RAI14: variants seen among roughly 807,000 people sequenced by gnomAD.
The protein encoded by RAI14 is ankycorbin.
Under a neutral mutation model 115.4 loss-of-function variants are expected in RAI14, and 45 were observed. The observed-to-expected ratio is 0.39, with a 90% CI of 0.31 to 0.50. The LOEUF is 0.50. RAI14 is among the 20% of genes least tolerant of loss of function. The pLI is 0.85. For missense variants in RAI14, 939 were observed against 1,131.2 expected, an observed-to-expected ratio of 0.83 and a Z score of 2.44; for synonymous variants, 371 against 415.4, an observed-to-expected ratio of 0.89 and a Z score of 1.30.
chr5:34,740,740 A>G (rs1745411046), intron 2 of RAI14, among the ~76,000 whole-genome samples: 1 of 152,206 alleles, frequency 6.6e-6, no homozygotes, highest in Non-Finnish European at 1.5e-5. Flanking sequence ...ATGCTTTTAA[A>G]AAATGCTGAC....
chr5:34,688,201 G>A (rs1262058683), intron 2 of RAI14: 10 of 1,551,154 alleles, frequency 6.4e-6, no homozygotes, highest in African/African-American at 2.7e-5. Context: ...CTGGCTGTAT[G>A]TTATGCAGCC....
chr5:34,786,761 G>A (rs898729781), intron 3 of RAI14, among the ~76,000 whole-genome samples: 3 of 152,142 alleles, frequency 2.0e-5, no homozygotes, highest in African/African-American at 4.8e-5. Flanking sequence ...GACCAGCTCG[G>A]TCGTGGAGAC....
Position 34,683,794 on chromosome 5 carries a change from A to C in RAI14, c.-48-3078A>C, listed in dbSNP as rs557266232. ...CCAGGGTGGAGTGCAGTGGCGCGAT[A>C]TCGGCTCACTGCAAGCTCCGCCTCC... On this transcript the variant is annotated intron_variant, in intron 1 of 17. Transcript: ENST00000265109. Among the ~76,000 whole-genome samples, 556 of 151,356 alleles carry C rather than the reference A, an allele frequency of 3.7e-3. 4 individuals are homozygous for C. Among genetic ancestry groups the C allele is most frequent in the African/African-American group, 0.013 (519 of 41,178 alleles).
chr5:34,746,686 A>C (rs184273079), intron 2 of RAI14, among the ~76,000 whole-genome samples: 2 of 152,008 alleles, frequency 1.3e-5, no homozygotes, highest in Non-Finnish European at 2.9e-5. Context: ...CTTTCATGCT[A>C]TCTCTGTCTC....
chr5:34,771,373 G>A (rs1372232348), intron 3 of RAI14, among the ~76,000 whole-genome samples: 2 of 152,286 alleles, frequency 1.3e-5, no homozygotes, highest in South Asian at 2.1e-4. Context: ...GGTAACAGAC[G>A]CCCTGGTGGT....
chr5:34,773,055 A>C (rs1167755161), intron 3 of RAI14, among the ~76,000 whole-genome samples: 1 of 152,206 alleles, frequency 6.6e-6, no homozygotes, highest in East Asian at 1.9e-4. Flanking sequence ...TGAAATGTAA[A>C]ACAGCAGATT....
intron 2 of RAI14, among the ~76,000 whole-genome samples, chr5:34,731,054 C>T (rs1385605243): frequency 6.6e-6 from 1 of 152,102 alleles, no homozygotes; most frequent in Non-Finnish European, 1.5e-5. Context: ...ATAAGGCTAC[C>T]TTTGATGTAT....
chr5:34,668,512 GC>G (rs1743387092), intron 1 of RAI14, among the ~76,000 whole-genome samples: 1 of 152,078 alleles, frequency 6.6e-6, no homozygotes, highest in Non-Finnish European at 1.5e-5. Flanking sequence ...CCAAGCACAG[GC>G]CCACTTCAGA....
At chr5:34,743,858 G>C (rs1745838365) in intron 2 of RAI14, among the ~76,000 whole-genome samples, 1 of 152,184 alleles carries the variant, frequency 6.6e-6, no homozygotes, top group Non-Finnish European at 1.5e-5. Context: ...TTTATAACTT[G>C]AAGGACTGTT....
At chr5:34,801,624 C>T (rs1754275560) in intron 4 of RAI14, among the ~76,000 whole-genome samples, 1 of 152,100 alleles carries the variant, frequency 6.6e-6, no homozygotes, top group Admixed American at 6.6e-5. Context: ...ACCTGTAATC[C>T]CAGCTACTTG....
chr5:34,684,256 C>A (rs770147828), intron 1 of RAI14, among the ~76,000 whole-genome samples: 18 of 152,200 alleles, frequency 1.2e-4, no homozygotes, highest in Non-Finnish European at 2.4e-4. Flanking sequence ...TCTCTAACTT[C>A]AGTGTGCAGA....
In RAI14 at chr5:34,731,513, T is replaced by C. The variant is rs1188972889; in HGVS notation, c.37-25955T>C. 3.9e-5 allele frequency among the ~76,000 whole-genome samples: 6 copies of C among 152,238 alleles called. No homozygotes were observed. In the South Asian group the frequency reaches 6.2e-4, roughly 16 times the overall value. The stretch of plus-strand genomic sequence containing the variant: ...GCAAGAGAAAATGGCCTTGGGACTT[T>C]TGACCTGTGGAAGTTTTGCATTTTC... On this transcript the variant is annotated intron_variant, in intron 2 of 17. Coordinates refer to ENST00000265109, the MANE Select transcript of RAI14 (RefSeq NM_015577.3).
intron 3 of RAI14, among the ~76,000 whole-genome samples, chr5:34,770,072 G>A (rs1220206513): frequency 2.6e-5 from 4 of 152,102 alleles, no homozygotes; most frequent in Non-Finnish European, 5.9e-5. Context: ...CCTAAAAATC[G>A]AATGTGTATA....
At chr5:34,746,461 G>A (rs1289623859) in intron 2 of RAI14, among the ~76,000 whole-genome samples, 1 of 150,452 alleles carries the variant, frequency 6.6e-6, no homozygotes, top group African/African-American at 2.5e-5. Context: ...CTGGAGTGCA[G>A]TGGTGTGATC....
At chr5:34,830,198 G>C (rs1379694996) in intron 17 of RAI14, among the ~76,000 whole-genome samples, 1 of 152,084 alleles carries the variant, frequency 6.6e-6, no homozygotes, top group Non-Finnish European at 1.5e-5. Flanking sequence ...TGCCCAGGCT[G>C]GTCTCAAACT....
chr5:34,776,641 A>C (rs548276383), intron 3 of RAI14, among the ~76,000 whole-genome samples: 2 of 152,170 alleles, frequency 1.3e-5, no homozygotes, highest in East Asian at 3.9e-4. Context: ...ACCTGTCTCT[A>C]CAAAGAAATA....
chr5:34,753,493 T>C (rs1436921691), intron 2 of RAI14, among the ~76,000 whole-genome samples: 1 of 152,118 alleles, frequency 6.6e-6, no homozygotes, highest in Non-Finnish European at 1.5e-5. Flanking sequence ...AAAATGGCAC[T>C]GGAGCCAGGC....
At chr5:34,814,463 C>A in intron 11 of RAI14, 120 bp from the exon 12 acceptor site, 1 of 689,860 alleles carries the variant, frequency 1.4e-6, no homozygotes, top group South Asian at 1.8e-5. Flanking sequence ...TAATTGATGC[C>A]AAGGATACTT....
At chr5:34,689,782 G>T (rs1451134556) in intron 2 of RAI14, among the ~76,000 whole-genome samples, 6 of 152,158 alleles carry the variant, frequency 3.9e-5, no homozygotes, top group African/African-American at 1.4e-4. Context: ...TGAGGCAGGA[G>T]AATAGCTTGA....
Sources: gnomAD v4.1 joint callset for allele counts (sites outside exome capture counted in the v4.1 genomes callset) on GRCh38, gnomAD v4.1.1 for gene constraint, MANE v1.5 for transcripts, NCBI Gene and HGNC (gene_info 2026-07-23, HGNC 2026-07-21) for gene names.